TAOK3: variants seen among roughly 807,000 people sequenced by gnomAD.
TAOK3 encodes the protein TAO kinase 3.
In TAOK3, 40 loss-of-function variants were observed where a neutral mutation model predicts 120.4. That is an observed-to-expected ratio of 0.33 (90% CI 0.26 to 0.43). TAOK3 has a LOEUF of 0.43. TAOK3 is among the 20% of genes least tolerant of loss of function. The pLI, the probability that TAOK3 is intolerant of heterozygous loss-of-function variation, is 1.00. For synonymous variants in TAOK3, 355 were observed against 387.5 expected, an observed-to-expected ratio of 0.92 and a Z score of 0.99; for missense variants, 821 against 1,112.1, an observed-to-expected ratio of 0.74 and a Z score of 3.72.
chr12:118,171,593 G>A (rs1316101679), intron 17 of TAOK3, among the ~76,000 whole-genome samples: 1 of 152,206 alleles, frequency 6.6e-6, no homozygotes, highest in East Asian at 1.9e-4. Flanking sequence ...CTGACCTCAA[G>A]TGATCCTTCT....
At chr12:118,351,941 T>C (rs1228728156) in intron 1 of TAOK3, among the ~76,000 whole-genome samples, 1 of 149,782 alleles carries the variant, frequency 6.7e-6, no homozygotes, top group Non-Finnish European at 1.5e-5. Flanking sequence ...TGGCGCTATC[T>C]TGGCTCACTC....
chr12:118,325,271 T>C (rs954275641), intron 1 of TAOK3, among the ~76,000 whole-genome samples: 1 of 152,228 alleles, frequency 6.6e-6, no homozygotes, highest in Non-Finnish European at 1.5e-5. Context: ...ATGGTAGTTC[T>C]GCTTTTAGTT....
At chr12:118,366,428 A>C (rs999677427) in intron 1 of TAOK3, among the ~76,000 whole-genome samples, 1 of 152,252 alleles carries the variant, frequency 6.6e-6, no homozygotes, top group African/African-American at 2.4e-5. Flanking sequence ...AACATATTTG[A>C]ATTGTCATAG....
At chr12:118,217,768 T>A (rs2038981251) in intron 9 of TAOK3, among the ~76,000 whole-genome samples, 1 of 143,898 alleles carries the variant, frequency 6.9e-6, no homozygotes, top group Non-Finnish European at 1.5e-5. Context: ...ATATATGTAT[T>A]TTATGTATAT....
rs1329221673 is a variant in TAOK3, at chr12:118,199,003, G to C, written c.1194+48C>G. 3 of 1,600,398 alleles carry C rather than the reference G, an allele frequency of 1.9e-6. No homozygotes were observed. The South Asian group carries it at 3.3e-5, about 18-fold the overall frequency. On this transcript the variant is annotated intron_variant, in intron 13 of 20. Coordinates refer to ENST00000392533, the MANE Select transcript of TAOK3 (RefSeq NM_016281.4). Reference sequence around the variant, plus strand: ...AAGCTAAGTGACTTGAACTGGATTCGCTATGATTGACAAAGCTCACCTCTG... The same window carrying C: ...AAGCTAAGTGACTTGAACTGGATTCCCTATGATTGACAAAGCTCACCTCTG...
chr12:118,315,435 C>T (rs575426488), intron 1 of TAOK3, among the ~76,000 whole-genome samples: 1 of 144,878 alleles, frequency 6.9e-6, no homozygotes, highest in South Asian at 2.2e-4. Flanking sequence ...CAAATTTATG[C>T]AAATGTTAAA....
chr12:118,222,504 G>T (rs1318384421), intron 9 of TAOK3, among the ~76,000 whole-genome samples: 1 of 151,266 alleles, frequency 6.6e-6, no homozygotes, highest in Non-Finnish European at 1.5e-5. Flanking sequence ...CTGTACTCCA[G>T]CCTGGCGATG....
chr12:118,223,848 C>A (rs61129343), intron 9 of TAOK3, among the ~76,000 whole-genome samples: 2 of 152,096 alleles, frequency 1.3e-5, no homozygotes, highest in Non-Finnish European at 2.9e-5. Flanking sequence ...CCATGTTGGC[C>A]AGGCTGCTCT....
chr12:118,189,662 A>ATTTTTTT (rs2037313993), intron 14 of TAOK3, 145 bp downstream of exon 14: 1 of 1,072,444 alleles, frequency 9.3e-7, no homozygotes, highest in Non-Finnish European at 1.3e-6. Flanking sequence ...TTTTCCTAAA[A>ATTTTTTT]TGAATAAAAT....
intron 1 of TAOK3, among the ~76,000 whole-genome samples, chr12:118,356,295 CTTTTTTTT>C (rs949021724): frequency 1.8e-5 from 2 of 109,338 alleles, no homozygotes; most frequent in African/African-American, 7.4e-5. Flanking sequence ...TGGTCACTTT[CTTTTTTTT>C]TTTTTTTTTT....
At chr12:118,332,862 T>G (rs1287298929) in intron 1 of TAOK3, among the ~76,000 whole-genome samples, 1 of 152,110 alleles carries the variant, frequency 6.6e-6, no homozygotes, top group East Asian at 1.9e-4. Flanking sequence ...AAAGTGGACT[T>G]CAGAGAAAAG....
rs11068892 is a variant in TAOK3 at position 118,263,794 on chromosome 12, G to A, written c.-89+2861C>T. Among the ~76,000 whole-genome samples, 1,743 of 152,248 alleles carry A rather than the reference G, an allele frequency of 0.011. 187 individuals are homozygous for A. In the East Asian group the frequency reaches 0.25, roughly 22 times the overall value. On this transcript the variant is annotated intron_variant, in intron 2 of 20. Transcript: ENST00000392533. The stretch of plus-strand genomic sequence containing the variant: ...TGAAAACCCATGAGAGGCCGGGCAC[G>A]GTGGCTCACACCTGTAATCCCAGCA...
rs1419669608 is a variant in TAOK3 at position 118,244,906 on chromosome 12, C to T, written c.180G>A (p.Lys60=). Residue 60 remains lysine, a synonymous_variant, in exon 4 of 21, where the codon AAG becomes AAA. Coordinates refer to ENST00000392533, the MANE Select transcript of TAOK3 (RefSeq NM_016281.4). ...GTCTCTATCTCACCTCATGGGTCTG[C>T]TTCCCACTATAGGACATCTTCTTAA... is the stretch of plus-strand genomic sequence containing the variant. ...VAIKKMSYSG[K]QTHEKWQDIL... 1.9e-6 allele frequency: 3 copies of T among 1,607,524 alleles called. No homozygotes were observed. In the South Asian group the frequency reaches 3.3e-5, roughly 18 times the overall value.
In TAOK3 at chr12:118,343,850, A is replaced by G. The variant is rs2044735720; in HGVS notation, c.-194+28798T>C. The stretch of plus-strand genomic sequence containing the variant: ...ACATGGTGAAACCCTGTCTCTACTA[A>G]AAATACAAAAAATTAGCCGGGCATG... On this transcript the variant is annotated intron_variant, in intron 1 of 20. Coordinates refer to ENST00000392533, the MANE Select transcript of TAOK3 (RefSeq NM_016281.4). Among the ~76,000 whole-genome samples the G allele has an allele frequency of 4.6e-5, 7 of 151,994 alleles. No homozygotes were observed. The East Asian group carries it at 9.7e-4, about 21-fold the overall frequency.
At chr12:118,213,750 G>C (rs1420535005) in intron 10 of TAOK3, among the ~76,000 whole-genome samples, 2 of 152,062 alleles carry the variant, frequency 1.3e-5, no homozygotes, top group Non-Finnish European at 2.9e-5. Flanking sequence ...TTGTTAGGAG[G>C]GTAGCAGGGC....
intron 1 of TAOK3, among the ~76,000 whole-genome samples, chr12:118,318,140 A>G (rs1201547467): frequency 6.6e-6 from 1 of 151,862 alleles, no homozygotes; most frequent in African/African-American, 2.4e-5. Flanking sequence ...GACCTAAATA[A>G]GATATAAAGC....
chr12:118,175,411 A>C (rs1275826208), intron 16 of TAOK3, among the ~76,000 whole-genome samples: 2 of 152,060 alleles, frequency 1.3e-5, no homozygotes, highest in Admixed American at 1.3e-4. Context: ...GGATTACCTG[A>C]GGTCAGGAGT....
Position 118,286,189 on chromosome 12 carries a change from G to GAATGAATCTA in TAOK3, c.-193-19440_-193-19431dup, listed in dbSNP as rs1349554249. Among the ~76,000 whole-genome samples the GAATGAATCTA allele has an allele frequency of 5.3e-5, 8 of 152,210 alleles. No individual in the cohort carries two copies. The East Asian group carries it at 1.4e-3, about 26-fold the overall frequency. On this transcript the variant is annotated intron_variant, in intron 1 of 20. Coordinates refer to ENST00000392533, the MANE Select transcript of TAOK3 (RefSeq NM_016281.4). ...CTTTATAATCCGAATTTTAGATTTA[G>GAATGAATCTA]AATGAATCTAAGAGAGGCTCAAGGA...
intron 16 of TAOK3, among the ~76,000 whole-genome samples, chr12:118,175,137 T>G (rs568171873): frequency 1.8e-3 from 268 of 152,354 alleles, no homozygotes; most frequent in Non-Finnish European, 2.3e-3. Context: ...CTAGACCTTA[T>G]GGTGTCAGAG....
Sources: allele counts gnomAD v4.1 joint callset (sites outside exome capture counted in the v4.1 genomes callset), GRCh38; gene constraint gnomAD v4.1.1; transcripts MANE v1.5; gene names NCBI Gene and HGNC (gene_info 2026-07-23, HGNC 2026-07-21).